Variants in SPAG16 observed in about 807,000 individuals in gnomAD.
The protein encoded by SPAG16 is sperm associated antigen 16.
A neutral mutation model predicts 80.4 loss-of-function variants in SPAG16; 86 were observed. That is an observed-to-expected ratio of 1.07 (90% confidence interval 0.90 to 1.28). The LOEUF (loss-of-function observed/expected upper bound fraction) is 1.28, where lower values mean the gene tolerates loss of function less well. Among genes scored for constraint, SPAG16 ranks in the 50% most tolerant of loss-of-function variants. The probability of loss-of-function intolerance (pLI) is 0.00; values close to 1 mark genes in which losing one functional copy is unlikely to be tolerated. For missense variants in SPAG16, 870 were observed against 765.3 expected, an observed-to-expected ratio of 1.14 and a Z score of -1.61; for synonymous variants, 294 against 265.9, an observed-to-expected ratio of 1.11 and a Z score of -1.03.
At chr2:213,533,382 A>G (rs1258506260) in intron 10 of SPAG16, among the ~76,000 whole-genome samples, 2 of 152,100 alleles carry the variant, frequency 1.3e-5, no homozygotes, top group Non-Finnish European at 2.9e-5. Context: ...TTGGGCTGAC[A>G]CTTTTCAGGC....
chr2:213,479,865 T>C (rs1262414751), intron 9 of SPAG16, among the ~76,000 whole-genome samples: 1 of 152,202 alleles, frequency 6.6e-6, no homozygotes, highest in East Asian at 1.9e-4. Context: ...TCAAGAAAGT[T>C]ATATGTTTAT....
At chr2:213,809,269 G>A (rs1441792325) in intron 10 of SPAG16, among the ~76,000 whole-genome samples, 2 of 152,064 alleles carry the variant, frequency 1.3e-5, no homozygotes, top group Non-Finnish European at 2.9e-5. Flanking sequence ...TAAGGAAATA[G>A]GAATCTGAAA....
At chr2:213,581,315 T>A (rs1376825843) in intron 10 of SPAG16, among the ~76,000 whole-genome samples, 1 of 152,072 alleles carries the variant, frequency 6.6e-6, no homozygotes, top group East Asian at 1.9e-4. Flanking sequence ...GCTCCTGGGC[T>A]CAAGTGATTC....
Position 213,361,740 on chromosome 2 carries a change from G to A in SPAG16, c.763-2336G>A, listed in dbSNP as rs1575363148. Among the ~76,000 whole-genome samples, 5 of 150,828 alleles carry A rather than the reference G, an allele frequency of 3.3e-5. No homozygotes were observed. In the South Asian group the frequency reaches 1.0e-3, roughly 32 times the overall value. On this transcript the variant is annotated intron_variant, in intron 7 of 15. Coordinates refer to ENST00000331683, the MANE Select transcript of SPAG16 (RefSeq NM_024532.5). ...GGAACTGTAGTGGGCACCTGCAGAGGTTGGTGGATCCCCAACTAAATTTGA... is the reference window on the plus strand; with the variant it reads ...GGAACTGTAGTGGGCACCTGCAGAGATTGGTGGATCCCCAACTAAATTTGA...
rs562873268 is a variant in SPAG16 at position 213,948,719 on chromosome 2, G to A, written c.1400+18574G>A. ...AATTACTCCATGGAGCCCCTAATCT[G>A]ATGCCATATTATTTTATTCTCTGCC... On this transcript the variant is annotated intron_variant, in intron 12 of 15. Transcript: ENST00000331683. Among the ~76,000 whole-genome samples, 140 of 152,070 alleles carry A rather than the reference G, an allele frequency of 9.2e-4. 1 individual carries two copies. Among genetic ancestry groups the A allele is most frequent in the African/African-American group, 2.7e-3 (111 of 41,464 alleles).
chr2:213,555,491 T>C (rs973805199), intron 10 of SPAG16, among the ~76,000 whole-genome samples: 1 of 152,204 alleles, frequency 6.6e-6, no homozygotes, highest in Non-Finnish European at 1.5e-5. Context: ...TCCACCATGA[T>C]TGAAAGTTTC....
chr2:213,669,620 A>T (rs16850669), intron 10 of SPAG16, among the ~76,000 whole-genome samples: 7,585 of 152,284 alleles, frequency 0.05, 608 homozygotes, highest in African/African-American at 0.17. Context: ...ATATCCTTTA[A>T]TGGTAAAATA....
At chr2:213,747,822 GT>G (rs772777673) in intron 10 of SPAG16, among the ~76,000 whole-genome samples, 56 of 152,158 alleles carry the variant, frequency 3.7e-4, no homozygotes, top group Non-Finnish European at 5.9e-4. Context: ...CATGACTATG[GT>G]TTAGCAGAAA....
At chr2:213,685,633 T>C (rs544677426) in intron 10 of SPAG16, among the ~76,000 whole-genome samples, 1 of 146,636 alleles carries the variant, frequency 6.8e-6, no homozygotes, top group South Asian at 2.2e-4. Flanking sequence ...TAAGAGCAAC[T>C]TGATCTGAAG....
intron 10 of SPAG16, among the ~76,000 whole-genome samples, chr2:213,842,147 A>C (rs572014756): frequency 4.6e-5 from 7 of 152,272 alleles, no homozygotes; most frequent in African/African-American, 1.7e-4. Flanking sequence ...TCCAAAGGCA[A>C]AATTTTCTTT....
intron 10 of SPAG16, among the ~76,000 whole-genome samples, chr2:213,692,646 T>C (rs1019719769): frequency 8.6e-5 from 13 of 151,780 alleles, no homozygotes; most frequent in Non-Finnish European, 1.5e-4. Flanking sequence ...CCGACTCTAC[T>C]AAAAATACAA....
chr2:213,831,948 T>TG (rs1290036824), intron 10 of SPAG16, among the ~76,000 whole-genome samples: 1 of 152,084 alleles, frequency 6.6e-6, no homozygotes, highest in Non-Finnish European at 1.5e-5. Flanking sequence ...TGTTGAACAC[T>TG]GGGCTATATT....
chr2:213,962,275 G>T (rs2044477873), intron 12 of SPAG16, among the ~76,000 whole-genome samples: 1 of 150,776 alleles, frequency 6.6e-6, no homozygotes, highest in African/African-American at 2.4e-5. Flanking sequence ...CTCACTGCAA[G>T]CTCGCCTCCT....
intron 10 of SPAG16, among the ~76,000 whole-genome samples, chr2:213,625,808 C>T (rs560074481): frequency 6.6e-6 from 1 of 152,262 alleles, no homozygotes; most frequent in African/African-American, 2.4e-5. Context: ...CTGCCTCAGC[C>T]TCCGGAGTAG....
intron 9 of SPAG16, among the ~76,000 whole-genome samples, chr2:213,459,579 T>TA (rs1366097151): frequency 6.6e-6 from 1 of 152,174 alleles, no homozygotes; most frequent in African/African-American, 2.4e-5. Flanking sequence ...AACCATGGGG[T>TA]GATCACTGGA....
chr2:213,846,877 T>C (rs546603575), intron 10 of SPAG16, among the ~76,000 whole-genome samples: 80 of 152,168 alleles, frequency 5.3e-4, no homozygotes, highest in African/African-American at 1.7e-3. Flanking sequence ...CTCAGCAAAA[T>C]CAAAGGGTCA....
At chr2:213,422,253 T>C (rs2069643134) in intron 9 of SPAG16, 1 of 702,064 alleles carries the variant, frequency 1.4e-6, no homozygotes, top group Non-Finnish European at 2.6e-6. Context: ...TTTCCAAGCA[T>C]CCAGACGCCA....
At chr2:214,135,765 T>C (rs532553095) in intron 14 of SPAG16, among the ~76,000 whole-genome samples, 9 of 152,024 alleles carry the variant, frequency 5.9e-5, no homozygotes, top group African/African-American at 1.9e-4. Flanking sequence ...TGCTTTTCTC[T>C]CTTGCCATGT....
chr2:213,784,550 G>T (rs940464024), intron 10 of SPAG16, among the ~76,000 whole-genome samples: 1 of 134,426 alleles, frequency 7.4e-6, no homozygotes, highest in Non-Finnish European at 1.5e-5. Context: ...TTTTACTTAC[G>T]ATAAAATTGT....
Sources: allele counts gnomAD v4.1 joint callset (sites outside exome capture counted in the v4.1 genomes callset), GRCh38; gene constraint gnomAD v4.1.1; transcripts MANE v1.5; gene names NCBI Gene and HGNC (gene_info 2026-07-23, HGNC 2026-07-21).